The following TOGARAM1 variants were observed in gnomAD, a reference collection of about 807,000 sequenced individuals.
The protein encoded by TOGARAM1 is TOG array regulator of axonemal microtubules 1, also known as TOG array regulator of axonemal microtubules protein 1.
A neutral mutation model predicts 166.6 loss-of-function variants in TOGARAM1; 100 were observed. The observed-to-expected ratio is 0.60, with a 90% CI of 0.51 to 0.71. The LOEUF (loss-of-function observed/expected upper bound fraction) is 0.71. TOGARAM1 is among the 30% of genes least tolerant of loss of function. The probability of loss-of-function intolerance (pLI) is 0.00; values close to 1 mark genes in which losing one functional copy is unlikely to be tolerated. For missense variants in TOGARAM1, 2,029 were observed against 2,102.7 expected (o/e 0.96, Z 0.69); for synonymous variants, 758 against 763.8 (o/e 0.99, Z 0.13).
Position 44,965,501 on chromosome 14 carries a change from G to A in TOGARAM1, c.2046+1034G>A, listed in dbSNP as rs1198716051. Among the ~76,000 whole-genome samples, 3 of 152,170 alleles carry A rather than the reference G, an allele frequency of 2.0e-5. No individual in the cohort carries two copies. The South Asian group carries it at 6.2e-4, about 32-fold the overall frequency. On this transcript the variant is annotated intron_variant, in intron 1 of 19. Transcript: ENST00000361462. ...GGGGTAGTTTTGTAGAATGTCCCAA[G>A]TTTTACATTTATATGTTTACTTGAT... is the stretch of plus-strand genomic sequence containing the variant.
chr14:45,017,882 A>G (rs1880249594), intron 7 of TOGARAM1, among the ~76,000 whole-genome samples: 1 of 152,276 alleles, frequency 6.6e-6, no homozygotes, highest in African/African-American at 2.4e-5. Context: ...TCTGTCTCAA[A>G]CAAAAAAGGA....
intron 1 of TOGARAM1, among the ~76,000 whole-genome samples, chr14:44,988,143 A>G (rs1042550954): frequency 6.6e-6 from 1 of 151,158 alleles, no homozygotes; most frequent in Admixed American, 6.6e-5. Flanking sequence ...ATTAGGAGAT[A>G]TACCTAATGT....
intron 16 of TOGARAM1, among the ~76,000 whole-genome samples, chr14:45,055,636 C>G (rs1273812731): frequency 6.6e-6 from 1 of 151,730 alleles, no homozygotes; most frequent in Non-Finnish European, 1.5e-5. Context: ...AACCCCGTCT[C>G]TAGTAAAACT....
chr14:44,975,359 A>C (rs1176490894), intron 1 of TOGARAM1, among the ~76,000 whole-genome samples: 1 of 152,198 alleles, frequency 6.6e-6, no homozygotes, highest in African/African-American at 2.4e-5. Flanking sequence ...AGATTGTATT[A>C]GTTTTAGTGT....
chr14:44,985,495 A>G (rs766683069), intron 1 of TOGARAM1, among the ~76,000 whole-genome samples: 8 of 152,224 alleles, frequency 5.3e-5, no homozygotes, highest in Admixed American at 2.0e-4. Context: ...TCCACCTCAA[A>G]TCATCAGACG....
chr14:45,035,678 A>G (rs760685304), intron 11 of TOGARAM1, among the ~76,000 whole-genome samples: 10 of 152,224 alleles, frequency 6.6e-5, no homozygotes, highest in Non-Finnish European at 1.0e-4. Context: ...GGGGCAAGAC[A>G]TTACATATAG....
At chr14:44,979,118 T>C (rs1886387549) in intron 1 of TOGARAM1, among the ~76,000 whole-genome samples, 1 of 152,130 alleles carries the variant, frequency 6.6e-6, no homozygotes, top group Non-Finnish European at 1.5e-5. Context: ...AGCTTTGTGA[T>C]TGTGGACTTG....
In TOGARAM1 at chr14:45,068,421, C is replaced by T. The variant is rs1883229741; in HGVS notation, c.4750-3C>T. The T allele has an allele frequency of 6.3e-7, 1 of 1,590,616 alleles. No individual in the cohort carries two copies. Among genetic ancestry groups the T allele is most frequent in the Non-Finnish European group, 8.6e-7 (1 of 1,166,816 alleles). ...TTTAAATAATTTACCAATTTATTTT[C>T]AGATTTTTGATGCTTTTAAATCTCG... On this transcript the variant is annotated splice_region_variant and splice_polypyrimidine_tract_variant and intron_variant, in intron 17 of 19. Coordinates refer to ENST00000361462, the MANE Select transcript of TOGARAM1 (RefSeq NM_001308120.2).
intron 1 of TOGARAM1, among the ~76,000 whole-genome samples, chr14:44,991,410 A>T (rs1040642380): frequency 9.9e-5 from 15 of 152,214 alleles, no homozygotes; most frequent in African/African-American, 2.9e-4. Flanking sequence ...TCAATCTGAG[A>T]AAAGCCTGGG....
chr14:44,963,789 GA>G lies in TOGARAM1; in HGVS notation c.1372del (p.Ile458SerfsTer5). ...NKLVIKQEYM[K>X]IFLKLMKEVG... ...AGTTGGTGATCAAACAAGAATACAT[GA>G]AAATCTTCCTCAAGCTAATGAAGGA... On this transcript the variant is annotated frameshift_variant, in exon 1 of 20. Transcript: ENST00000361462. LOFTEE classifies it high-confidence loss of function. The G allele has an allele frequency of 6.2e-7, 1 of 1,614,072 alleles. No homozygotes were observed.
At chr14:45,052,977 C>A (rs1386118774) in intron 15 of TOGARAM1, among the ~76,000 whole-genome samples, 2 of 151,254 alleles carry the variant, frequency 1.3e-5, no homozygotes, top group Non-Finnish European at 2.9e-5. Context: ...ACTATTAGAG[C>A]TATTACCACA....
intron 18 of TOGARAM1, among the ~76,000 whole-genome samples, chr14:45,071,464 A>G (rs1420194654): frequency 6.6e-6 from 1 of 151,926 alleles, no homozygotes; most frequent in Non-Finnish European, 1.5e-5. Context: ...ATCATAGCTC[A>G]CTGCAGCCTC....
At chr14:45,008,810 A>G (rs1238521591) in intron 5 of TOGARAM1, 103 bp from the exon 6 acceptor site, 2 of 742,440 alleles carry the variant, frequency 2.7e-6, no homozygotes, top group Non-Finnish European at 4.3e-6. Flanking sequence ...AGGATTGGGA[A>G]GTGGTTAGCT....
chr14:45,019,204 T>C (rs570011371), intron 7 of TOGARAM1, among the ~76,000 whole-genome samples: 6 of 152,292 alleles, frequency 3.9e-5, no homozygotes, highest in Admixed American at 3.9e-4. Flanking sequence ...GTTTAGGAGG[T>C]GGCTTATCCT....
At chr14:45,039,502 G>A (rs749217444) in intron 11 of TOGARAM1, among the ~76,000 whole-genome samples, 5 of 152,108 alleles carry the variant, frequency 3.3e-5, no homozygotes, top group Non-Finnish European at 5.9e-5. Context: ...AGGGGTGCCT[G>A]CAGGCCCACA....
At chr14:45,023,270 T>C (rs1880631261) in intron 7 of TOGARAM1, among the ~76,000 whole-genome samples, 1 of 152,214 alleles carries the variant, frequency 6.6e-6, no homozygotes, top group South Asian at 2.1e-4. Flanking sequence ...ATGTTCTATA[T>C]TTTCTTCATT....
chr14:45,055,114 A>T (rs1018612361), intron 16 of TOGARAM1, among the ~76,000 whole-genome samples: 2 of 152,136 alleles, frequency 1.3e-5, no homozygotes, highest in African/African-American at 4.8e-5. Context: ...TTGAGGTCTT[A>T]GTCTTGAATT....
rs754443483 is a variant in TOGARAM1, at chr14:45,044,837, G to A, written c.4121G>A (p.Arg1374His). Residue 1374 changes from arginine (R) to histidine (H), a missense_variant, in exon 13 of 20, where the codon CGT becomes CAT. By Grantham distance (29) the Arg-to-His change is conservative. This residue lies in a region of TOGARAM1 where 576 missense variants were observed against 670.5 expected (regional missense o/e 0.86). Coordinates refer to ENST00000361462, the MANE Select transcript of TOGARAM1 (RefSeq NM_001308120.2). ...ATGGTTAATAATGTAACTCCTGCACGTGCAGTTGTTTCTCTTATCAATGGT... is the reference window on the plus strand; with the variant it reads ...ATGGTTAATAATGTAACTCCTGCACATGCAGTTGTTTCTCTTATCAATGGT... Reference protein sequence around the residue: ...RAMVNNVTPARAVVSLINGGQ... With the variant: ...RAMVNNVTPAHAVVSLINGGQ... 5.6e-6 allele frequency: 9 copies of A among 1,612,866 alleles called. No individual in the cohort carries two copies. The East Asian group carries it at 1.1e-4, about 20-fold the overall frequency.
Position 44,963,203 on chromosome 14 carries a change from C to T in TOGARAM1, c.782C>T (p.Ala261Val), listed in dbSNP as rs752851971. The T allele has an allele frequency of 4.3e-6, 7 of 1,614,170 alleles. No individual in the cohort carries two copies. In the Middle Eastern group the frequency reaches 8.2e-4, roughly 190 times the overall value. ...CTCACCGAGGTGATAATATCCCTAG[C>T]CCGAAAGCTTGGTGATCAGGAGACA... is the stretch of plus-strand genomic sequence containing the variant. ...LDLTEVIISLARKLGDQETEE... is the reference protein window; with the variant it reads ...LDLTEVIISLVRKLGDQETEE... Residue 261 changes from alanine to valine, a missense_variant, in exon 1 of 20, where the codon GCC becomes GTC. Around this residue, in one of 2 missense-constraint regions of TOGARAM1, gnomAD observed 1,453 missense variants for 1,432.2 expected, o/e 1.01. Coordinates refer to ENST00000361462, the MANE Select transcript of TOGARAM1 (RefSeq NM_001308120.2).
Sources: gnomAD v4.1 joint callset for allele counts (sites outside exome capture counted in the v4.1 genomes callset) on GRCh38, gnomAD v4.1.1 for gene constraint, gnomAD v4.1.1 regional missense constraint, MANE v1.5 for transcripts, NCBI Gene and HGNC (gene_info 2026-07-23, HGNC 2026-07-21) for gene names.